EBF1: variants seen among roughly 807,000 people sequenced by gnomAD.
The protein encoded by EBF1 is EBF transcription factor 1.
A neutral mutation model predicts 68.4 loss-of-function variants in EBF1; 10 were observed. The ratio of observed to expected loss-of-function variants is 0.15; its 90% confidence interval spans 0.09 to 0.25. EBF1 has a LOEUF of 0.25. EBF1 is among the 10% of genes least tolerant of loss of function. EBF1 has a pLI of 1.00. For missense variants in EBF1, 509 were observed against 794.4 expected, an observed-to-expected ratio of 0.64 and a Z score of 4.32; for synonymous variants, 298 against 299.8, an observed-to-expected ratio of 0.99 and a Z score of 0.06.
At chr5:158,986,684 C>T (rs534128937) in intron 6 of EBF1, among the ~76,000 whole-genome samples, 24 of 152,248 alleles carry the variant, frequency 1.6e-4, no homozygotes, top group Non-Finnish European at 2.8e-4. Flanking sequence ...CATTTGTGGA[C>T]TTTTCTCAGT....
chr5:158,896,298 T>C (rs7380175), intron 6 of EBF1, among the ~76,000 whole-genome samples: 8,127 of 152,276 alleles, frequency 0.053, 289 homozygotes, highest in Non-Finnish European at 0.071. Flanking sequence ...GAGTTTTTTT[T>C]CCTCAACTAT....
At chr5:158,996,428 G>C (rs1761431229) in intron 6 of EBF1, among the ~76,000 whole-genome samples, 1 of 152,202 alleles carries the variant, frequency 6.6e-6, no homozygotes, top group Admixed American at 6.5e-5. Flanking sequence ...GATTTGGACA[G>C]TTGTGATTTC....
chr5:158,965,071 A>G (rs1005008062), intron 6 of EBF1, among the ~76,000 whole-genome samples: 2 of 152,218 alleles, frequency 1.3e-5, no homozygotes, highest in Non-Finnish European at 2.9e-5. Flanking sequence ...ACTATGAGTC[A>G]AAAACTTTAC....
At chr5:158,842,256 G>A (rs189198112) in intron 6 of EBF1, among the ~76,000 whole-genome samples, 1 of 152,338 alleles carries the variant, frequency 6.6e-6, no homozygotes, top group East Asian at 1.9e-4. Flanking sequence ...TAGCCCTGCT[G>A]ATCACACATG....
At chr5:158,813,730 A>C (rs1348783041) in intron 8 of EBF1, among the ~76,000 whole-genome samples, 3 of 152,240 alleles carry the variant, frequency 2.0e-5, no homozygotes, top group Non-Finnish European at 4.4e-5. Context: ...GTACATACTC[A>C]AAGTCATGTA....
chr5:158,823,574 T>A (rs1356365302), intron 7 of EBF1, among the ~76,000 whole-genome samples: 2 of 152,236 alleles, frequency 1.3e-5, no homozygotes, highest in African/African-American at 4.8e-5. Flanking sequence ...CTGTTAACCA[T>A]AATTTTAACA....
chr5:158,995,592 T>C (rs894642676), intron 6 of EBF1, among the ~76,000 whole-genome samples: 1 of 152,138 alleles, frequency 6.6e-6, no homozygotes, highest in South Asian at 2.1e-4. Flanking sequence ...GGGCATCCTG[T>C]GGAGAGCAGA....
intron 12 of EBF1, among the ~76,000 whole-genome samples, chr5:158,713,655 T>G (rs1351377921): frequency 6.6e-6 from 1 of 152,204 alleles, no homozygotes; most frequent in East Asian, 1.9e-4. Context: ...TCAGGCTACA[T>G]GAAAAAGGAG....
chr5:158,868,236 A>C (rs1796282527), intron 6 of EBF1, among the ~76,000 whole-genome samples: 1 of 152,144 alleles, frequency 6.6e-6, no homozygotes, highest in Non-Finnish European at 1.5e-5. Flanking sequence ...TTATAAACCC[A>C]GAGTTTATAG....
At chr5:158,993,623 T>C (rs1465089285) in intron 6 of EBF1, among the ~76,000 whole-genome samples, 2 of 152,134 alleles carry the variant, frequency 1.3e-5, no homozygotes, top group African/African-American at 4.8e-5. Flanking sequence ...TGAGCCTTCT[T>C]TTCTTGTCTG....
At chr5:158,951,353 C>A (rs1815924377) in intron 6 of EBF1, among the ~76,000 whole-genome samples, 1 of 152,206 alleles carries the variant, frequency 6.6e-6, no homozygotes, top group Non-Finnish European at 1.5e-5. Context: ...AAAGAGGGAA[C>A]TTGGCGTCAA....
chr5:158,750,765 CA>C (rs562505161), intron 10 of EBF1, among the ~76,000 whole-genome samples: 37 of 145,876 alleles, frequency 2.5e-4, no homozygotes, highest in South Asian at 1.1e-3. Flanking sequence ...CTACCACTTG[CA>C]AAAAAAAATC....
chr5:159,056,751 G>C (rs1774821657), intron 6 of EBF1, among the ~76,000 whole-genome samples: 1 of 152,050 alleles, frequency 6.6e-6, no homozygotes, highest in Admixed American at 6.5e-5. Flanking sequence ...TTAAATAAAA[G>C]AAAAATTTTA....
intron 6 of EBF1, among the ~76,000 whole-genome samples, chr5:158,912,379 A>G (rs548905331): frequency 5.9e-5 from 9 of 152,340 alleles, no homozygotes; most frequent in Middle Eastern, 3.4e-3. Context: ...GCAGTCTTGA[A>G]CTACTTTCTA....
Position 158,796,472 on chromosome 5 carries a change from G to C in EBF1, c.782C>G (p.Thr261Ser). 6.2e-7 allele frequency: 1 copy of C among 1,611,694 alleles called. No individual in the cohort carries two copies. The highest frequency in any genetic ancestry group is 8.5e-7 in the Non-Finnish European group (1 of 1,178,646). Reference sequence around the variant, plus strand: ...CGGGCTGATGGCTTTGATACAGGGAGTAGCTGCTTTTCAACACACATGAAA... The same window carrying C: ...CGGGCTGATGGCTTTGATACAGGGACTAGCTGCTTTTCAACACACATGAAA... ...EGTPSYLEHA[T>S]PCIKAISPSE... Residue 261 changes from threonine (T) to serine (S), a missense_variant, in exon 9 of 16, where the codon ACT (threonine) becomes AGT (serine). Around this residue, in one of 3 missense-constraint regions of EBF1, gnomAD observed 230 missense variants for 467.7 expected, o/e 0.49. Transcript: ENST00000313708.
At chr5:158,970,330 C>T (rs1388896073) in intron 6 of EBF1, among the ~76,000 whole-genome samples, 1 of 152,098 alleles carries the variant, frequency 6.6e-6, no homozygotes, top group East Asian at 1.9e-4. Flanking sequence ...ATCAACAGCT[C>T]CTTCTTAATT....
At chr5:158,751,367 A>G (rs1366093046) in intron 10 of EBF1, among the ~76,000 whole-genome samples, 1 of 149,172 alleles carries the variant, frequency 6.7e-6, no homozygotes. Context: ...CCTGAGGGCC[A>G]TCACATGCCA....
At chr5:158,984,795 T>C (rs1022409261) in intron 6 of EBF1, 1 of 149,288 alleles carries the variant, frequency 6.7e-6, no homozygotes, top group African/African-American at 2.5e-5. Flanking sequence ...GCGATTCTCC[T>C]GCCTCAGCCT....
intron 15 of EBF1, among the ~76,000 whole-genome samples, chr5:158,705,043 G>A (rs1757565855): frequency 6.6e-6 from 1 of 151,826 alleles, no homozygotes; most frequent in Non-Finnish European, 1.5e-5. Flanking sequence ...GAGTGCAGTG[G>A]CACGATCTCA....
Sources: gnomAD v4.1 joint callset for allele counts (sites outside exome capture counted in the v4.1 genomes callset) on GRCh38, gnomAD v4.1.1 for gene constraint, gnomAD v4.1.1 regional missense constraint, MANE v1.5 for transcripts, NCBI Gene and HGNC (gene_info 2026-07-23, HGNC 2026-07-21) for gene names.